The following CCND2 variants were observed in gnomAD, a reference collection of about 807,000 sequenced individuals.
The protein encoded by CCND2 is G1/S-specific cyclin-D2.
CCND2 carries 6 observed loss-of-function variants against 30.2 expected under a neutral mutation model. The ratio of observed to expected loss-of-function variants is 0.20; its 90% confidence interval spans 0.11 to 0.39. The LOEUF (loss-of-function observed/expected upper bound fraction) is 0.39. Ranked by LOEUF, CCND2 falls within the 10% of genes least tolerant of loss-of-function variation. The pLI is 1.00. For synonymous variants in CCND2, 150 were observed against 153.1 expected, an observed-to-expected ratio of 0.98 and a Z score of 0.15; for missense variants, 235 against 373.4, an observed-to-expected ratio of 0.63 and a Z score of 3.06.
intron 2 of CCND2, 123 bp from the exon 3 acceptor site, chr12:4,278,637 A>G (rs755292016): frequency 3.5e-5 from 30 of 864,366 alleles, no homozygotes; most frequent in African/African-American, 5.1e-5. Context: ...CCGCCTTACA[A>G]TCTAGCAGCC....
rs1864241481 is a variant in CCND2, at chr12:4,301,074, C to T, written c.*1065C>T. 2 of 233,478 alleles carry T rather than the reference C, an allele frequency of 8.6e-6. No homozygotes were observed. The highest frequency in any genetic ancestry group is 6.0e-5 in the East Asian group (1 of 16,586). 14.5% of individuals were successfully genotyped at this position (233,478 alleles called of 1,614,324 possible). ...TTCTCTTTTGCCCCCTCCCTTCCTG[C>T]CCCCAGTCTGGGTTACTCTTCGCTT... On this transcript the variant is annotated 3_prime_UTR_variant, in exon 5 of 5. Coordinates refer to ENST00000261254, the MANE Select transcript of CCND2 (RefSeq NM_001759.4).
intron 2 of CCND2, among the ~76,000 whole-genome samples, chr12:4,278,376 A>G (rs1458975727): frequency 6.6e-6 from 1 of 152,006 alleles, no homozygotes; most frequent in Non-Finnish European, 1.5e-5. Context: ...ATAAATTACC[A>G]TGAAAGGGCC....
In CCND2 at chr12:4,304,577, C is replaced by G. The variant is rs1192548848; in HGVS notation, c.*4568C>G. The G allele has an allele frequency of 8.6e-6, 2 of 233,556 alleles. No individual in the cohort carries two copies. The highest frequency in any genetic ancestry group is 1.1e-4 in the Admixed American group (2 of 17,790). 14.5% of individuals were successfully genotyped at this position (233,556 alleles called of 1,614,324 possible). A position where few individuals can be genotyped will look rare whatever the true frequency, so the allele number is the denominator to read the frequency against. ...AACAACCCAGAATGGTCATTTCAGGCACAACGATACTACATTCGTGTGTGT... is the reference window on the plus strand; with the variant it reads ...AACAACCCAGAATGGTCATTTCAGGGACAACGATACTACATTCGTGTGTGT... On this transcript the variant is annotated 3_prime_UTR_variant, in exon 5 of 5. Coordinates refer to ENST00000261254, the MANE Select transcript of CCND2 (RefSeq NM_001759.4). The surrounding 1 kb of genome is among the most constrained non-coding windows in gnomAD (Gnocchi z 6.2).
At chr12:4,279,503 C>T (rs1220857677) in intron 3 of CCND2, among the ~76,000 whole-genome samples, 1 of 151,700 alleles carries the variant, frequency 6.6e-6, no homozygotes, top group Non-Finnish European at 1.5e-5. Context: ...TTCGGTGAGG[C>T]TTTACTTTCT....
chr12:4,294,604 C>T (rs1288125520), intron 4 of CCND2, among the ~76,000 whole-genome samples: 1 of 151,998 alleles, frequency 6.6e-6, no homozygotes, highest in African/African-American at 2.4e-5. Flanking sequence ...GCTTAGAAGT[C>T]AAGGTATATA....
intron 4 of CCND2, among the ~76,000 whole-genome samples, chr12:4,297,263 A>G (rs1401927537): frequency 1.3e-5 from 2 of 152,188 alleles, no homozygotes; most frequent in Non-Finnish European, 2.9e-5. Flanking sequence ...CTGAAATGCA[A>G]GTGCCCCTAG....
At position 4,282,091 on chromosome 12, in the gene CCND2, A is replaced by G. The variant is rs1863956191; in HGVS notation, c.571+3172A>G. Among the ~76,000 whole-genome samples the G allele has an allele frequency of 6.6e-6, 1 of 152,188 alleles. No homozygotes were observed. The highest frequency in any genetic ancestry group is 2.1e-4 in the South Asian group (1 of 4,830). Reference sequence around the variant, plus strand: ...GATAGAACACCCAGGTCTGCAAGCGAGGAAAGAAGGCCATTGGAGATGACC... The same window carrying G: ...GATAGAACACCCAGGTCTGCAAGCGGGGAAAGAAGGCCATTGGAGATGACC... On this transcript the variant is annotated intron_variant, in intron 3 of 4. Coordinates refer to ENST00000261254, the MANE Select transcript of CCND2 (RefSeq NM_001759.4). This position sits in a 1 kb window ranked among gnomAD's most constrained non-coding sequence, Gnocchi z 4.3.
Position 4,290,075 on chromosome 12 carries a change from G to A in CCND2, c.720+1085G>A, listed in dbSNP as rs370585923. On this transcript the variant is annotated intron_variant, in intron 4 of 4. Transcript: ENST00000261254. ...CCGGGGGGATTCAGATGCCCTCTGC[G>A]GGCTTTTATTGAGTTAAGGGATCAT... Among the ~76,000 whole-genome samples, 168 of 152,298 alleles carry A rather than the reference G, an allele frequency of 1.1e-3. 1 individual carries two copies. The highest frequency in any genetic ancestry group is 3.7e-3 in the African/African-American group (153 of 41,552).
intron 4 of CCND2, among the ~76,000 whole-genome samples, chr12:4,289,483 C>T (rs1474740340): frequency 1.3e-5 from 2 of 152,196 alleles, no homozygotes; most frequent in African/African-American, 2.4e-5. Context: ...CTCTCGACCC[C>T]TCCCCGCTCT....
rs1392941317 is a variant in CCND2, at chr12:4,287,157, G to GA, written c.572-1684dup. On this transcript the variant is annotated intron_variant, in intron 3 of 4. Transcript: ENST00000261254. This position sits in a 1 kb window ranked among gnomAD's most constrained non-coding sequence, Gnocchi z 4.0. ...CAGCACCATTATATACGTCCCTCAA[G>GA]AGGTGGAGATGGTGAGAGGGCAATG... Among the ~76,000 whole-genome samples the GA allele has an allele frequency of 6.6e-6, 1 of 152,220 alleles. No homozygotes were observed. The highest frequency in any genetic ancestry group is 1.5e-5 in the Non-Finnish European group (1 of 68,040).
At position 4,293,841 on chromosome 12, in the gene CCND2, C is replaced by T. The variant is rs1864131762; in HGVS notation, c.720+4851C>T. ...TCTGTCTTCTGTGGACTCTTCAGGGCCTGTGGTCAGGAACCTTGTGAAGTG... is the reference window on the plus strand; with the variant it reads ...TCTGTCTTCTGTGGACTCTTCAGGGTCTGTGGTCAGGAACCTTGTGAAGTG... On this transcript the variant is annotated intron_variant, in intron 4 of 4. Coordinates refer to ENST00000261254, the MANE Select transcript of CCND2 (RefSeq NM_001759.4). This position sits in a 1 kb window ranked among gnomAD's most constrained non-coding sequence, Gnocchi z 4.9. 6.6e-6 allele frequency among the ~76,000 whole-genome samples: 1 copy of T among 152,134 alleles called. No individual in the cohort carries two copies. Among genetic ancestry groups the T allele is most frequent in the South Asian group, 2.1e-4 (1 of 4,818 alleles).
intron 3 of CCND2, among the ~76,000 whole-genome samples, chr12:4,286,293 G>A (rs1055291658): frequency 2.0e-5 from 3 of 152,186 alleles, no homozygotes; most frequent in Non-Finnish European, 2.9e-5. Context: ...GTTGCAGCTA[G>A]AAGTTAGAAA....
intron 4 of CCND2, among the ~76,000 whole-genome samples, chr12:4,291,850 A>G (rs1424118715): frequency 6.6e-6 from 1 of 152,220 alleles, no homozygotes; most frequent in South Asian, 2.1e-4. Flanking sequence ...CGAGCCAGAC[A>G]CAAAAAGACA....
rs1864046366 is a variant in CCND2, at chr12:4,287,980, A to AT, written c.572-855dup. Among the ~76,000 whole-genome samples, 1 of 152,084 alleles carries AT rather than the reference A, an allele frequency of 6.6e-6. No homozygotes were observed. Among genetic ancestry groups the AT allele is most frequent in the Non-Finnish European group, 1.5e-5 (1 of 68,010 alleles). Reference sequence around the variant, plus strand: ...TCTGCACTTCCCTGTAGCAAGTCACATTTTTTTCTCTTAGCAATAAAATGG... The same window carrying AT: ...TCTGCACTTCCCTGTAGCAAGTCACATTTTTTTTCTCTTAGCAATAAAATGG... On this transcript the variant is annotated intron_variant, in intron 3 of 4. Transcript: ENST00000261254. This position sits in a 1 kb window ranked among gnomAD's most constrained non-coding sequence, Gnocchi z 4.0.
rs1233999160 is a variant in CCND2, at chr12:4,274,764, G to A, written c.195+529G>A. Among the ~76,000 whole-genome samples the A allele has an allele frequency of 6.6e-6, 1 of 152,220 alleles. No homozygotes were observed. Among genetic ancestry groups the A allele is most frequent in the Admixed American group, 6.5e-5 (1 of 15,292 alleles). On this transcript the variant is annotated intron_variant, in intron 1 of 4. Coordinates refer to ENST00000261254, the MANE Select transcript of CCND2 (RefSeq NM_001759.4). The surrounding 1 kb of genome is among the most constrained non-coding windows in gnomAD (Gnocchi z 7.7). ...AACGGGGAATTCGGGAGCCCCGGAA[G>A]TCCCATTGAAGAAACGCGTGTTTCA... is the stretch of plus-strand genomic sequence containing the variant.
In CCND2 at chr12:4,299,728, C is replaced by T; in HGVS notation, c.721-132C>T. 1 of 911,734 alleles carries T rather than the reference C, an allele frequency of 1.1e-6. No homozygotes were observed. The highest frequency in any genetic ancestry group is 1.6e-6 in the Non-Finnish European group (1 of 607,932). The allele number at this position is 911,734 out of a possible 1,614,324, so 56.5% of individuals were successfully genotyped here. A position where few individuals can be genotyped will look rare whatever the true frequency, so the allele number is the denominator to read the frequency against. ...TCCTTGGCACTTTAAGAACATCCCTCCTTTACTTCACATTTATTTCTACTG... is the reference window on the plus strand; with the variant it reads ...TCCTTGGCACTTTAAGAACATCCCTTCTTTACTTCACATTTATTTCTACTG... On this transcript the variant is annotated intron_variant, in intron 4 of 4. Coordinates refer to ENST00000261254, the MANE Select transcript of CCND2 (RefSeq NM_001759.4). The surrounding 1 kb of genome is among the most constrained non-coding windows in gnomAD (Gnocchi z 5.2).
Position 4,301,737 on chromosome 12 carries a change from C to T in CCND2, c.*1728C>T, listed in dbSNP as rs1348595946. On this transcript the variant is annotated 3_prime_UTR_variant, in exon 5 of 5. Transcript: ENST00000261254. Reference sequence around the variant, plus strand: ...AGCTAAAGTCATCCATCCTTATTCACGTTGACAGTACCTAGCTGTAATGTT... The same window carrying T: ...AGCTAAAGTCATCCATCCTTATTCATGTTGACAGTACCTAGCTGTAATGTT... 3.3e-5 allele frequency: 6 copies of T among 182,818 alleles called. No individual in the cohort carries two copies. Among genetic ancestry groups the T allele is most frequent in the Non-Finnish European group, 5.7e-5 (5 of 87,668 alleles). The allele number at this position is 182,818 out of a possible 1,614,324, so 11.3% of individuals were successfully genotyped here.
intron 4 of CCND2, among the ~76,000 whole-genome samples, chr12:4,295,623 A>G (rs1864159055): frequency 6.6e-6 from 1 of 152,170 alleles, no homozygotes; most frequent in Non-Finnish European, 1.5e-5. Flanking sequence ...TTAAAAATAC[A>G]AAAATCAGCT....
At chr12:4,278,121 TGAC>T (rs1298231111) in intron 2 of CCND2, among the ~76,000 whole-genome samples, 1 of 152,226 alleles carries the variant, frequency 6.6e-6, no homozygotes, top group East Asian at 1.9e-4. Context: ...TTAGTCATGA[TGAC>T]AATGGCCTGT....
Sources: allele counts gnomAD v4.1 joint callset (sites outside exome capture counted in the v4.1 genomes callset), GRCh38; gene constraint gnomAD v4.1.1; non-coding constraint Gnocchi (gnomAD v3.1); transcripts MANE v1.5; gene names NCBI Gene and HGNC (gene_info 2026-07-23, HGNC 2026-07-21).